Variants in NAPEPLD observed in about 807,000 individuals in gnomAD.
NAPEPLD encodes the protein N-acyl phosphatidylethanolamine phospholipase D.
Under a neutral mutation model 38.1 loss-of-function variants are expected in NAPEPLD, and 23 were observed. That is an observed-to-expected ratio of 0.60 (90% confidence interval 0.43 to 0.86). The LOEUF (loss-of-function observed/expected upper bound fraction) is 0.86. Ranked by LOEUF, NAPEPLD falls within the 40% of genes least tolerant of loss-of-function variation. The probability of loss-of-function intolerance (pLI) is 0.00; values close to 1 mark genes in which losing one functional copy is unlikely to be tolerated. For synonymous variants in NAPEPLD, 147 were observed against 162.0 expected (o/e 0.91, Z 0.71); for missense variants, 411 against 476.8 (o/e 0.86, Z 1.28).
chr7:103,104,099 A>C (rs796178173), intron 4 of NAPEPLD, among the ~76,000 whole-genome samples: 14 of 152,302 alleles, frequency 9.2e-5, no homozygotes, highest in African/African-American at 3.4e-4. Context: ...TGTGGCAAAG[A>C]GGAGTCAAGA....
chr7:103,103,695 G>T, intron 4 of NAPEPLD, 141 bp from the exon 5 acceptor site: 1 of 803,106 alleles, frequency 1.2e-6, no homozygotes. Context: ...ATTAGCAAAT[G>T]GGTCTATCAC....
chr7:103,108,174 G>C (rs574268197), intron 4 of NAPEPLD, among the ~76,000 whole-genome samples: 1 of 129,694 alleles, frequency 7.7e-6, no homozygotes, highest in East Asian at 2.2e-4. Context: ...ATGGAGTCTT[G>C]CTCTGTCACC....
At chr7:103,149,871 C>CT (rs1563380171), upstream of NAPEPLD, among the ~76,000 whole-genome samples, 1 of 152,212 alleles carries the variant, frequency 6.6e-6, no homozygotes, top group Non-Finnish European at 1.5e-5. Flanking sequence ...TGAATACTTA[C>CT]AGCCTATGGC....
At chr7:103,131,885 G>A (rs1028188259) in intron 1 of NAPEPLD, among the ~76,000 whole-genome samples, 1 of 152,254 alleles carries the variant, frequency 6.6e-6, no homozygotes, top group Middle Eastern at 3.4e-3. Flanking sequence ...GGAGGCCGAG[G>A]CGAGTGGATC....
At chr7:103,128,851 C>G in intron 1 of NAPEPLD, 59 bp from the exon 2 acceptor site, 1 of 1,490,404 alleles carries the variant, frequency 6.7e-7, no homozygotes, top group Non-Finnish European at 9.0e-7. Flanking sequence ...AAACATAACA[C>G]AAGGTACTAT....
intron 3 of NAPEPLD, among the ~76,000 whole-genome samples, chr7:103,118,067 T>C (rs980626000): frequency 3.3e-5 from 5 of 152,128 alleles, no homozygotes; most frequent in African/African-American, 1.2e-4. Context: ...CAGGCGCCTG[T>C]AGTCCCAGCT....
chr7:103,143,073 A>G (rs201741064), intron 1 of NAPEPLD, among the ~76,000 whole-genome samples: 1 of 35,092 alleles, frequency 2.8e-5, no homozygotes, highest in African/African-American at 3.7e-5. Flanking sequence ...AAAAAAAAAC[A>G]AAAAAACAAA....
At chr7:103,137,596 A>G (rs1391709923) in intron 1 of NAPEPLD, among the ~76,000 whole-genome samples, 1 of 152,196 alleles carries the variant, frequency 6.6e-6, no homozygotes, top group East Asian at 1.9e-4. Flanking sequence ...TAGCAAGCAC[A>G]AAGTGCAGGT....
chr7:103,129,188 C>T, intron 1 of NAPEPLD: 1 of 432,208 alleles, frequency 2.3e-6, no homozygotes, highest in Non-Finnish European at 3.1e-6. Context: ...TCGCTTGAAC[C>T]CTGGAGGTGG....
rs1482456619 is a variant in NAPEPLD, at chr7:103,101,939, G to A, written c.*1490C>T. On this transcript the variant is annotated 3_prime_UTR_variant, in exon 5 of 5. Coordinates refer to ENST00000465647, the MANE Select transcript of NAPEPLD (RefSeq NM_001122838.3). ...TAATCCACCTCCCTCCCTTAGGAAG[G>A]GTCAGAATAATCAAGTGAATACAGA... The A allele has an allele frequency of 1.3e-5, 2 of 151,860 alleles. No individual in the cohort carries two copies. Among genetic ancestry groups the A allele is most frequent in the Non-Finnish European group, 2.9e-5 (2 of 67,992 alleles). 9.4% of individuals were successfully genotyped at this position (151,860 alleles called of 1,614,324 possible). A position where few individuals can be genotyped will look rare whatever the true frequency, so the allele number is the denominator to read the frequency against.
chr7:103,136,993 G>A (rs1289390219), intron 1 of NAPEPLD, among the ~76,000 whole-genome samples: 1 of 152,192 alleles, frequency 6.6e-6, no homozygotes, highest in Non-Finnish European at 1.5e-5. Flanking sequence ...AGGCTAGAGT[G>A]CAGTGGTGCA....
At chr7:103,116,055 T>C (rs1223887329) in intron 3 of NAPEPLD, among the ~76,000 whole-genome samples, 1 of 31,518 alleles carries the variant, frequency 3.2e-5, no homozygotes, top group Non-Finnish European at 2.0e-4. Flanking sequence ...GCCAGTTTTT[T>C]CTTTTTTTCT....
chr7:103,117,253 G>A (rs1305754945), intron 3 of NAPEPLD, among the ~76,000 whole-genome samples: 1 of 152,206 alleles, frequency 6.6e-6, no homozygotes, highest in Non-Finnish European at 1.5e-5. Context: ...ACAGAAGGCT[G>A]AAAACAAAGC....
intron 3 of NAPEPLD, among the ~76,000 whole-genome samples, chr7:103,117,414 C>A (rs1805787334): frequency 6.6e-6 from 1 of 152,116 alleles, no homozygotes; most frequent in Non-Finnish European, 1.5e-5. Flanking sequence ...AGATATATTC[C>A]TTTCCACCTG....
At chr7:103,148,363 C>T (rs1813006802) in intron 1 of NAPEPLD, among the ~76,000 whole-genome samples, 1 of 151,388 alleles carries the variant, frequency 6.6e-6, no homozygotes, top group Non-Finnish European at 1.5e-5. Context: ...TTACTCACTC[C>T]CTTAATATTT....
At chr7:103,111,155 A>G (rs1334111644) in intron 4 of NAPEPLD, among the ~76,000 whole-genome samples, 2 of 152,226 alleles carry the variant, frequency 1.3e-5, no homozygotes, top group African/African-American at 2.4e-5. Context: ...GGATAGGAAG[A>G]ATCAATATTG....
At chr7:103,131,524 T>A (rs1370826605) in intron 1 of NAPEPLD, among the ~76,000 whole-genome samples, 1 of 151,956 alleles carries the variant, frequency 6.6e-6, no homozygotes, top group Non-Finnish European at 1.5e-5. Context: ...CCGGGCGTGG[T>A]GGACCTGTGC....
chr7:103,119,546 G>A, intron 3 of NAPEPLD, 31 bp downstream of exon 3: 1 of 1,573,654 alleles, frequency 6.4e-7, no homozygotes, highest in Non-Finnish European at 8.6e-7. Context: ...TTATCACATA[G>A]CAGGAATGTT....
intron 4 of NAPEPLD, 62 bp downstream of exon 4, chr7:103,114,998 T>G: frequency 8.0e-7 from 1 of 1,257,506 alleles, no homozygotes; most frequent in South Asian, 1.3e-5. Flanking sequence ...TAAGGAACAG[T>G]GATGCCTGAA....
Sources: allele counts gnomAD v4.1 joint callset (sites outside exome capture counted in the v4.1 genomes callset), GRCh38; gene constraint gnomAD v4.1.1; transcripts MANE v1.5; gene names NCBI Gene and HGNC (gene_info 2026-07-23, HGNC 2026-07-21).